Variants in FAM156A observed in about 807,000 individuals in gnomAD.
FAM156A encodes protein FAM156A/FAM156B.
chrX:52,973,253 A>G (rs1929172667), intron 1 of FAM156A, among the ~76,000 whole-genome samples: 1 of 107,139 alleles, frequency 9.3e-6, no homozygotes, highest in Non-Finnish European at 1.9e-5. Context: ...ATTCACATTT[A>G]TAGCTGCTGC....
chrX:52,980,851 T>TGTGTGTGTGTGG (rs1356126923), intron 1 of FAM156A, among the ~76,000 whole-genome samples: 7 of 43,959 alleles, frequency 1.6e-4, no homozygotes, highest in Admixed American at 4.9e-4. Context: ...TGTGTGTGTG[T>TGTGTGTGTGTGG]AGAGGGAGAG....
chrX:52,974,089 A>C (rs1337014848), intron 1 of FAM156A, among the ~76,000 whole-genome samples: 1 of 112,595 alleles, frequency 8.9e-6, no homozygotes, highest in Non-Finnish European at 1.9e-5. Flanking sequence ...CCAGGATTAC[A>C]GGCATGAGCC....
chrX:52,982,511 T>G (rs1260477975), intron 1 of FAM156A, among the ~76,000 whole-genome samples: 1 of 111,924 alleles, frequency 8.9e-6, no homozygotes, highest in Non-Finnish European at 1.9e-5. Context: ...AGTAACGATA[T>G]ATTAATCAGT....
At chrX:52,976,869 CACTT>C (rs1929508063) in intron 1 of FAM156A, among the ~76,000 whole-genome samples, 1 of 109,945 alleles carries the variant, frequency 9.1e-6, no homozygotes, top group African/African-American at 3.3e-5. Flanking sequence ...TAATAACAGT[CACTT>C]AGTGTGTTGC....
intron 1 of FAM156A, among the ~76,000 whole-genome samples, chrX:52,976,769 G>C (rs1478397745): frequency 9.0e-6 from 1 of 111,295 alleles, no homozygotes; most frequent in Non-Finnish European, 1.9e-5. Context: ...ATATGGAACA[G>C]AGACCATCTT....
chrX:52,985,351 T>C (rs1359224297), intron 1 of FAM156A, among the ~76,000 whole-genome samples: 1 of 111,663 alleles, frequency 9.0e-6, no homozygotes, highest in Non-Finnish European at 1.9e-5. Context: ...TATTTTAAAC[T>C]GAATGAAGAT....
At chrX:52,988,684 T>G (rs1226183762) in intron 1 of FAM156A, among the ~76,000 whole-genome samples, 6 of 112,643 alleles carry the variant, frequency 5.3e-5, no homozygotes, top group African/African-American at 1.9e-4. Flanking sequence ...ACTATTGTTA[T>G]TTGCTTTTGA....
intron 1 of FAM156A, among the ~76,000 whole-genome samples, chrX:52,993,201 C>T (rs1556795947): frequency 9.0e-6 from 1 of 110,697 alleles, no homozygotes; most frequent in Non-Finnish European, 1.9e-5. Flanking sequence ...ATCCCAGACC[C>T]ACCAGGTGCT....
At chrX:52,981,797 A>C (rs1197279702) in intron 1 of FAM156A, among the ~76,000 whole-genome samples, 2 of 110,171 alleles carry the variant, frequency 1.8e-5, no homozygotes, top group Non-Finnish European at 3.8e-5. Flanking sequence ...ACATACTCAC[A>C]GAAATTTAGG....
chrX:52,987,647 C>CAA (rs782773978), intron 1 of FAM156A, among the ~76,000 whole-genome samples: 4 of 71,668 alleles, frequency 5.6e-5, no homozygotes, highest in African/African-American at 1.6e-4. Flanking sequence ...GACCCTGTCT[C>CAA]AAAAAAAAAA....
At chrX:52,990,066 C>T (rs782110265) in intron 1 of FAM156A, among the ~76,000 whole-genome samples, 69 of 111,323 alleles carry the variant, frequency 6.2e-4, no homozygotes, top group Non-Finnish European at 9.6e-4. Context: ...TGGCCCTAGG[C>T]TGCCCCTACC....
intron 1 of FAM156A, among the ~76,000 whole-genome samples, chrX:52,990,895 G>A (rs910646623): frequency 1.8e-5 from 2 of 110,812 alleles, no homozygotes; most frequent in African/African-American, 3.3e-5. Context: ...GGAAGAGGAG[G>A]ACCAGGAAGG....
chrX:52,986,583 A>G (rs376635825), intron 1 of FAM156A, among the ~76,000 whole-genome samples: 25 of 111,413 alleles, frequency 2.2e-4, no homozygotes, highest in African/African-American at 8.1e-4. Context: ...ACCGAAAAAA[A>G]ACTGCAAACT....
intron 1 of FAM156A, among the ~76,000 whole-genome samples, chrX:52,983,885 T>C (rs1930083216): frequency 8.9e-6 from 1 of 112,482 alleles, no homozygotes; most frequent in African/African-American, 3.2e-5. Context: ...TGTGAGGCCA[T>C]AATCGCCCGA....
chrX:52,987,774 T>C, intron 1 of FAM156A, among the ~76,000 whole-genome samples: 1 of 111,663 alleles, frequency 9.0e-6, no homozygotes, highest in Admixed American at 9.5e-5. Flanking sequence ...AGAAGGAAAA[T>C]TTATGTTTAC....
intron 1 of FAM156A, among the ~76,000 whole-genome samples, chrX:52,976,799 C>G (rs1466474248): frequency 1.8e-5 from 2 of 110,789 alleles, no homozygotes; most frequent in African/African-American, 6.6e-5. Context: ...CTGGTATTGA[C>G]TCATCACCCT....
At chrX:52,976,720 T>C (rs1319688331) in intron 1 of FAM156A, among the ~76,000 whole-genome samples, 1 of 111,700 alleles carries the variant, frequency 9.0e-6, no homozygotes, top group Non-Finnish European at 1.9e-5. Flanking sequence ...AGGATGTTGC[T>C]GCTAACATCC....
intron 1 of FAM156A, among the ~76,000 whole-genome samples, chrX:52,982,316 T>C (rs1929968948): frequency 9.0e-6 from 1 of 111,074 alleles, no homozygotes; most frequent in Non-Finnish European, 1.9e-5. Flanking sequence ...TAGCTGGGCA[T>C]GGTGATGAGC....
At chrX:52,987,143 G>A (rs782819024) in intron 1 of FAM156A, among the ~76,000 whole-genome samples, 1 of 111,576 alleles carries the variant, frequency 9.0e-6, no homozygotes, top group Non-Finnish European at 1.9e-5. Context: ...ATGTGCAGGA[G>A]CCGTATGCTA....
Sources: allele counts gnomAD v4.1 joint callset (sites outside exome capture counted in the v4.1 genomes callset), GRCh38; gene constraint gnomAD v4.1.1; transcripts MANE v1.5; gene names NCBI Gene and HGNC (gene_info 2026-07-23, HGNC 2026-07-21).